Variants in SCN4A observed in about 807,000 individuals in gnomAD.
SCN4A encodes sodium channel protein type 4 subunit alpha.
A neutral mutation model predicts 162.0 loss-of-function variants in SCN4A; 83 were observed. The ratio of observed to expected loss-of-function variants is 0.51; its 90% CI spans 0.43 to 0.61. SCN4A has a LOEUF of 0.61. Among genes scored for constraint, SCN4A ranks in the 20% least tolerant of loss-of-function variants. The pLI is 0.00. For synonymous variants in SCN4A, 944 were observed against 985.1 expected (o/e 0.96, Z 0.78); for missense variants, 2,196 against 2,462.5 (o/e 0.89, Z 2.29).
chr17:63,955,361 A>T (rs1379689023), intron 13 of SCN4A, among the ~76,000 whole-genome samples: 1 of 152,198 alleles, frequency 6.6e-6, no homozygotes, highest in Non-Finnish European at 1.5e-5. Context: ...CTAAACCAGC[A>T]CTGCCCTGCC....
In SCN4A at chr17:63,972,616, T is replaced by A. The variant is rs758181972; in HGVS notation, c.226A>T (p.Ile76Phe). The change falls in exon 1 of 24, where the codon ATC becomes TTC. Residue 76 changes from isoleucine to phenylalanine, a missense_variant. Ile to Phe is a conservative substitution (Grantham distance 21, BLOSUM62 0). Coordinates refer to ENST00000435607, the MANE Select transcript of SCN4A (RefSeq NM_000334.4). The surrounding 1 kb of genome is among the most constrained non-coding windows in gnomAD (Gnocchi z 4.3). ...TCCAGGTCCTCCAGGGGGATGCCGATGACCTCCGGCGGGGGGTCTCCGTAG... is the reference window on the plus strand; with the variant it reads ...TCCAGGTCCTCCAGGGGGATGCCGAAGACCTCCGGCGGGGGGTCTCCGTAG... ...MIYGDPPPEV[I>F]GIPLEDLDPY... The A allele has an allele frequency of 6.2e-7, 1 of 1,606,240 alleles. No individual in the cohort carries two copies. The highest frequency in any genetic ancestry group is 1.1e-5 in the South Asian group (1 of 89,894).
intron 5 of SCN4A, among the ~76,000 whole-genome samples, chr17:63,970,750 C>T (rs1909587478): frequency 6.6e-6 from 1 of 152,130 alleles, no homozygotes; most frequent in Non-Finnish European, 1.5e-5. Flanking sequence ...TCTCCTGCCT[C>T]AGCCTCCTGA....
rs1213115320 is a variant in SCN4A, at chr17:63,942,800, C to T, written c.4288+26G>A. ...CCGAGTGCCTCAGCTCAGTGCTGCC[C>T]TGCCGGTCCAGCCCGCCCCGCTCAC... On this transcript the variant is annotated intron_variant, in intron 23 of 23. Transcript: ENST00000435607. The T allele has an allele frequency of 3.1e-6, 5 of 1,604,864 alleles. No homozygotes were observed. The Admixed American group carries it at 8.4e-5, about 27-fold the overall frequency.
rs1157997677 is a variant in SCN4A at position 63,944,436 on chromosome 17, G to T, written c.3912+237C>A. ...CCCAAAGTGCTGGGATTACAAGCAT[G>T]AGCCACCGTGCCTGGCCCAGCAGTC... On this transcript the variant is annotated intron_variant, in intron 21 of 23. Coordinates refer to ENST00000435607, the MANE Select transcript of SCN4A (RefSeq NM_000334.4). The surrounding 1 kb of genome is among the most constrained non-coding windows in gnomAD (Gnocchi z 4.3). Among the ~76,000 whole-genome samples, 2 of 152,158 alleles carry T rather than the reference G, an allele frequency of 1.3e-5. No individual in the cohort carries two copies. Among genetic ancestry groups the T allele is most frequent in the African/African-American group, 2.4e-5 (1 of 41,432 alleles).
intron 13 of SCN4A, among the ~76,000 whole-genome samples, chr17:63,952,346 G>C: frequency 6.6e-6 from 1 of 152,008 alleles, no homozygotes; most frequent in East Asian, 1.9e-4. Flanking sequence ...TTTTTGTAGA[G>C]ACGGGGTTTC....
chr17:63,942,758 T>C (rs1908582819), intron 23 of SCN4A, 68 bp downstream of exon 23: 3 of 1,507,656 alleles, frequency 2.0e-6, no homozygotes, highest in Non-Finnish European at 1.8e-6. Context: ...GGTGTGTCCG[T>C]GTGAGGATGG....
chr17:63,951,958 C>A lies in SCN4A; in HGVS notation c.2377-58G>T. The A allele has an allele frequency of 8.1e-6, 9 of 1,117,464 alleles. No homozygotes were observed. The highest frequency in any genetic ancestry group is 1.0e-5 in the Non-Finnish European group (8 of 797,598). The allele number at this position is 1,117,464 out of a possible 1,614,324, so 69.2% of individuals were successfully genotyped here. On this transcript the variant is annotated intron_variant, in intron 13 of 23. Coordinates refer to ENST00000435607, the MANE Select transcript of SCN4A (RefSeq NM_000334.4). This position sits in a 1 kb window ranked among gnomAD's most constrained non-coding sequence, Gnocchi z 4.5. ...AGTCCCCGGGACCCAGAGGGTGCCACCTTCAGCCAGCACAGGGGTCCTCGG... is the reference window on the plus strand; with the variant it reads ...AGTCCCCGGGACCCAGAGGGTGCCAACTTCAGCCAGCACAGGGGTCCTCGG...
intron 23 of SCN4A, 67 bp from the exon 24 acceptor site, chr17:63,942,060 T>G: frequency 2.1e-6 from 3 of 1,444,134 alleles, no homozygotes; most frequent in East Asian, 2.4e-5. Flanking sequence ...GTGGGGAGCA[T>G]GCGGGGCTCA....
chr17:63,950,911 G>A lies in SCN4A; in HGVS notation c.2853+513C>T, dbSNP rs550703503. 7.2e-5 allele frequency among the ~76,000 whole-genome samples: 11 copies of A among 152,338 alleles called. No individual in the cohort carries two copies. Among genetic ancestry groups the A allele is most frequent in the East Asian group, 3.9e-4 (2 of 5,190 alleles). On this transcript the variant is annotated intron_variant, in intron 14 of 23. Coordinates refer to ENST00000435607, the MANE Select transcript of SCN4A (RefSeq NM_000334.4). The surrounding 1 kb of genome is among the most constrained non-coding windows in gnomAD (Gnocchi z 4.6). Reference sequence around the variant, plus strand: ...TCTGTCCTCCTTGTCCTCAACTCCCGTTGGCCCCTAGCTCCTCTCCTGAAT... The same window carrying A: ...TCTGTCCTCCTTGTCCTCAACTCCCATTGGCCCCTAGCTCCTCTCCTGAAT...
chr17:63,961,535 A>T, intron 10 of SCN4A, 104 bp from the exon 11 acceptor site: 1 of 796,294 alleles, frequency 1.3e-6, no homozygotes, highest in South Asian at 1.5e-5. Context: ...GCCCCTTAGC[A>T]CTCCACATCT....
Position 63,941,743 on chromosome 17 carries a change from G to T in SCN4A, c.4539C>A (p.Ile1513=), listed in dbSNP as rs56342400. Residue 1513 remains isoleucine (I), a synonymous_variant, in exon 24 of 24, where the codon ATC becomes ATA. Transcript: ENST00000435607. The surrounding 1 kb of genome is among the most constrained non-coding windows in gnomAD (Gnocchi z 6.2). ...AGGTCTCGAAGTTGAACATATCATCGATGCCCGACTCCTTCTTGACGTAGG... is the reference window on the plus strand; with the variant it reads ...AGGTCTCGAAGTTGAACATATCATCTATGCCCGACTCCTTCTTGACGTAGG... ...NFAYVKKESG[I]DDMFNFETFG... 289,268 of 1,613,846 alleles carry T rather than the reference G, an allele frequency of 0.18. 26,654 individuals are homozygous for T. The highest frequency in any genetic ancestry group is 0.22 in the Middle Eastern group (1,349 of 6,062).
chr17:63,940,540 G>C lies in SCN4A; in HGVS notation c.*231C>G. 1 of 476,768 alleles carries C rather than the reference G, an allele frequency of 2.1e-6. No homozygotes were observed. The allele number at this position is 476,768 out of a possible 1,614,324, so 29.5% of individuals were successfully genotyped here. On this transcript the variant is annotated 3_prime_UTR_variant, in exon 24 of 24. Transcript: ENST00000435607. ...CTTGCAGGTTAAATCTTGGAGGCAGGGGCCTCAGACCCAGCATGGAGCCCC... is the reference window on the plus strand; with the variant it reads ...CTTGCAGGTTAAATCTTGGAGGCAGCGGCCTCAGACCCAGCATGGAGCCCC...
rs374261223 is a variant in SCN4A at position 63,946,462 on chromosome 17, GCC to G, written c.3441+581_3441+582del. ...TTCCTGGGGAAGTCCCATTTTTCTTGCCCCCCCCCCCACCCCGCCGCAACCCT... is the reference window on the plus strand; with the variant it reads ...TTCCTGGGGAAGTCCCATTTTTCTTGCCCCCCCCCACCCCGCCGCAACCCT... On this transcript the variant is annotated intron_variant, in intron 18 of 23. Coordinates refer to ENST00000435607, the MANE Select transcript of SCN4A (RefSeq NM_000334.4). Among the ~76,000 whole-genome samples, 11 of 106,682 alleles carry G rather than the reference GCC, an allele frequency of 1.0e-4. 1 individual carries two copies. The highest frequency in any genetic ancestry group is 1.8e-4 in the Admixed American group (2 of 10,818). The allele number at this position is 106,682 out of a possible 152,430, so 70.0% of individuals were successfully genotyped here. A position where few individuals can be genotyped will look rare whatever the true frequency, so the allele number is the denominator to read the frequency against.
At position 63,945,258 on chromosome 17, in the gene SCN4A, G is replaced by A; in HGVS notation, c.3720+102C>T. 1 of 1,125,830 alleles carries A rather than the reference G, an allele frequency of 8.9e-7. No homozygotes were observed. Among genetic ancestry groups the A allele is most frequent in the Admixed American group, 2.1e-5 (1 of 47,824 alleles). 69.7% of individuals were successfully genotyped at this position (1,125,830 alleles called of 1,614,324 possible). ...CACAGCATTGGAAGCAGGGTGGGCG[G>A]TCCCCTAACCAGGAGTGACACTGGG... On this transcript the variant is annotated intron_variant, in intron 19 of 23. Transcript: ENST00000435607. The surrounding 1 kb of genome is among the most constrained non-coding windows in gnomAD (Gnocchi z 4.4).
In SCN4A at chr17:63,951,556, G is replaced by A. The variant is rs376432808; in HGVS notation, c.2721C>T (p.Leu907=). The A allele has an allele frequency of 4.5e-5, 72 of 1,613,846 alleles. No individual in the cohort carries two copies. The highest frequency in any genetic ancestry group is 5.5e-5 in the Non-Finnish European group (65 of 1,179,860). The change falls in exon 14 of 24, where the codon CTC becomes CTT. Residue 907 remains leucine (L), a synonymous_variant. Transcript: ENST00000435607. This position sits in a 1 kb window ranked among gnomAD's most constrained non-coding sequence, Gnocchi z 4.5. ...TGATGAAGTTAAGGTGGTCCAGCTC[G>A]AGGCTGGATGGGGGGCCGTCAGCCA... is the stretch of plus-strand genomic sequence containing the variant. ...MGLADGPPSS[L]ELDHLNFINN...
At chr17:63,946,360 T>TG (rs1177575293) in intron 18 of SCN4A, among the ~76,000 whole-genome samples, 3 of 151,642 alleles carry the variant, frequency 2.0e-5, no homozygotes, top group Non-Finnish European at 4.4e-5. Flanking sequence ...AGGGGCCGCT[T>TG]GGGGGGGCTC....
At position 63,951,686 on chromosome 17, in the gene SCN4A, GCCCCGTCAGCCTCCC is replaced by G. The variant is rs1331415128; in HGVS notation, c.2576_2590del (p.Gly859_Gly863del). 1 of 1,602,288 alleles carries G rather than the reference GCCCCGTCAGCCTCCC, an allele frequency of 6.2e-7. No individual in the cohort carries two copies. Among genetic ancestry groups the G allele is most frequent in the South Asian group, 1.1e-5 (1 of 89,470 alleles). ...CTCCCCCGCCTCTCCAGCCTCCCCG[GCCCCGTCAGCCTCCC>G]CGAGGCTGAGCATGATGTCCTTGGG... On this transcript the variant is annotated inframe_deletion, in exon 14 of 24. Coordinates refer to ENST00000435607, the MANE Select transcript of SCN4A (RefSeq NM_000334.4). This position sits in a 1 kb window ranked among gnomAD's most constrained non-coding sequence, Gnocchi z 4.5.
chr17:63,959,293 C>T lies in SCN4A; in HGVS notation c.1991G>A (p.Gly664Glu). ...LVELGLANVQGLSVLRSFRLL... is the reference protein window; with the variant it reads ...LVELGLANVQELSVLRSFRLL... ...ACGGAAGGAGCGTAGCACAGACAGT[C>T]CCTGTACGTTGGCCAGGCCTAGCTC... Residue 664 changes from glycine (G) to glutamate (E), a missense_variant, in exon 12 of 24, where the codon GGA becomes GAA. By Grantham distance (98) the Gly-to-Glu change is moderately conservative (BLOSUM62 -2). Transcript: ENST00000435607. 1 of 1,613,758 alleles carries T rather than the reference C, an allele frequency of 6.2e-7. No homozygotes were observed. The highest frequency in any genetic ancestry group is 1.1e-5 in the South Asian group (1 of 91,062).
intron 21 of SCN4A, 93 bp from the exon 22 acceptor site, chr17:63,943,943 G>T: frequency 1.3e-6 from 1 of 748,008 alleles, no homozygotes. Context: ...CACCTTTAAG[G>T]CAGCCCCCGC....
Sources: gnomAD v4.1 joint callset for allele counts (sites outside exome capture counted in the v4.1 genomes callset) on GRCh38, gnomAD v4.1.1 for gene constraint, Gnocchi (gnomAD v3.1) non-coding constraint, MANE v1.5 for transcripts, NCBI Gene and HGNC (gene_info 2026-07-23, HGNC 2026-07-21) for gene names.